NALF1: variants seen among roughly 807,000 people sequenced by gnomAD.
The protein encoded by NALF1 is family with sequence similarity 155 member A.
Under a neutral mutation model 48.4 loss-of-function variants are expected in NALF1, and 3 were observed. That is an observed-to-expected ratio of 0.06 (90% CI 0.03 to 0.16). NALF1 has a LOEUF of 0.16. Among genes scored for constraint, NALF1 ranks in the 10% least tolerant of loss-of-function variants. The pLI, the probability that NALF1 is intolerant of heterozygous loss-of-function variation, is 1.00. For synonymous variants in NALF1, 262 were observed against 245.7 expected (o/e 1.07, Z -0.62); for missense variants, 526 against 571.5 (o/e 0.92, Z 0.81).
At chr13:107,275,515 A>G (rs1000461542) in intron 1 of NALF1, among the ~76,000 whole-genome samples, 2 of 152,120 alleles carry the variant, frequency 1.3e-5, no homozygotes, top group South Asian at 2.1e-4. Context: ...TTATTGCGTA[A>G]CAAATTACTC....
chr13:107,212,521 G>C (rs934999714), intron 1 of NALF1, among the ~76,000 whole-genome samples: 1 of 152,222 alleles, frequency 6.6e-6, no homozygotes, highest in Admixed American at 6.5e-5. Flanking sequence ...GCTGCCTCAG[G>C]GGGACAGGTG....
chr13:107,468,575 T>C (rs1885046258), intron 1 of NALF1, among the ~76,000 whole-genome samples: 1 of 152,148 alleles, frequency 6.6e-6, no homozygotes, highest in African/African-American at 2.4e-5. Context: ...AGTAAGTAAA[T>C]CAATTTCTAT....
At chr13:107,408,472 G>A (rs1883936841) in intron 1 of NALF1, among the ~76,000 whole-genome samples, 1 of 151,568 alleles carries the variant, frequency 6.6e-6, no homozygotes. Flanking sequence ...CATGTGTTTT[G>A]CCATTAGAAG....
chr13:107,859,914 C>CAAAAAAAAAAAAAAAAAAAAA (rs778833499), intron 1 of NALF1, among the ~76,000 whole-genome samples: 2 of 66,494 alleles, frequency 3.0e-5, no homozygotes, highest in African/African-American at 6.1e-5. Context: ...AACTCCAACT[C>CAAAAAAAAAAAAAAAAAAAAA]AAAAAAAAAA....
Position 107,182,615 on chromosome 13 carries a change from T to C in NALF1, c.1088-11829A>G, listed in dbSNP as rs957970735. ...GTATATTTTTTCATAATTTGTGAAA[T>C]TCATGCTGTTATTAATTCTATTAGA... On this transcript the variant is annotated intron_variant, in intron 2 of 2. Transcript: ENST00000375915. Among the ~76,000 whole-genome samples the C allele has an allele frequency of 2.3e-4, 35 of 152,290 alleles. 1 individual carries two copies. Among genetic ancestry groups the C allele is most frequent in the African/African-American group, 6.5e-4 (27 of 41,556 alleles).
chr13:107,368,394 A>G (rs545144010), intron 1 of NALF1, among the ~76,000 whole-genome samples: 1 of 150,862 alleles, frequency 6.6e-6, no homozygotes, highest in Admixed American at 6.6e-5. Flanking sequence ...TCGGCTCACT[A>G]AAACCTCCTG....
intron 2 of NALF1, among the ~76,000 whole-genome samples, chr13:107,176,107 A>G (rs1007412083): frequency 5.9e-5 from 9 of 152,206 alleles, no homozygotes; most frequent in African/African-American, 1.7e-4. Flanking sequence ...AGAAATTATA[A>G]AAACATATTT....
intron 1 of NALF1, among the ~76,000 whole-genome samples, chr13:107,671,887 G>C (rs1256459422): frequency 2.0e-5 from 3 of 152,100 alleles, no homozygotes; most frequent in African/African-American, 7.2e-5. Context: ...CCTGTTGATA[G>C]CAAAGGTGTT....
intron 1 of NALF1, among the ~76,000 whole-genome samples, chr13:107,786,489 T>A (rs912534584): frequency 2.0e-5 from 3 of 147,430 alleles, no homozygotes; most frequent in Non-Finnish European, 4.4e-5. Flanking sequence ...TTTGGGAGTC[T>A]GAGGTGGGCG....
chr13:107,220,078 G>A (rs1342468453), intron 1 of NALF1, among the ~76,000 whole-genome samples: 1 of 152,052 alleles, frequency 6.6e-6, no homozygotes, highest in Non-Finnish European at 1.5e-5. Context: ...AATTATAATT[G>A]AAACAAGAAT....
intron 1 of NALF1, among the ~76,000 whole-genome samples, chr13:107,809,311 C>T (rs1443003728): frequency 1.3e-5 from 2 of 152,052 alleles, no homozygotes; most frequent in African/African-American, 4.8e-5. Flanking sequence ...ATCATCCCTC[C>T]TCTTGTGCAA....
At chr13:107,399,122 C>T (rs1002361494) in intron 1 of NALF1, among the ~76,000 whole-genome samples, 1 of 152,140 alleles carries the variant, frequency 6.6e-6, no homozygotes, top group African/African-American at 2.4e-5. Context: ...AAGCTGCAGA[C>T]TCGGGGAGAT....
chr13:107,347,473 A>T (rs1246602234), intron 1 of NALF1, among the ~76,000 whole-genome samples: 2 of 152,230 alleles, frequency 1.3e-5, no homozygotes, highest in African/African-American at 4.8e-5. Context: ...AAAGGTACGT[A>T]GAATAGTCCA....
chr13:107,469,715 G>T (rs142159378), intron 1 of NALF1, among the ~76,000 whole-genome samples: 3 of 146,628 alleles, frequency 2.0e-5, no homozygotes, highest in South Asian at 2.2e-4. Context: ...CCGTAAATGC[G>T]ATGAGTCAAC....
chr13:107,232,317 G>A (rs1048777540), intron 1 of NALF1, among the ~76,000 whole-genome samples: 3 of 152,194 alleles, frequency 2.0e-5, no homozygotes, highest in African/African-American at 7.2e-5. Flanking sequence ...ATCTGATAAA[G>A]GGGAGTCTGT....
intron 1 of NALF1, among the ~76,000 whole-genome samples, chr13:107,431,011 A>G (rs1449005161): frequency 6.6e-6 from 1 of 152,084 alleles, no homozygotes; most frequent in Non-Finnish European, 1.5e-5. Context: ...GTGAGATGGT[A>G]TCTCATTGTG....
intron 1 of NALF1, among the ~76,000 whole-genome samples, chr13:107,427,676 T>C (rs1383095084): frequency 6.6e-6 from 1 of 152,224 alleles, no homozygotes; most frequent in African/African-American, 2.4e-5. Flanking sequence ...GCTTGCATTG[T>C]GCTTTCTCTT....
At chr13:107,727,005 T>C (rs1364906631) in intron 1 of NALF1, among the ~76,000 whole-genome samples, 1 of 149,916 alleles carries the variant, frequency 6.7e-6, no homozygotes, top group Non-Finnish European at 1.5e-5. Flanking sequence ...AGAGACGGGG[T>C]TTCCCCATGT....
chr13:107,578,704 TGA>T (rs1333302714), intron 1 of NALF1, among the ~76,000 whole-genome samples: 1 of 152,198 alleles, frequency 6.6e-6, no homozygotes, highest in African/African-American at 2.4e-5. Flanking sequence ...CATATTAAAA[TGA>T]GTTATCTTTA....
Sources: allele counts gnomAD v4.1 joint callset (sites outside exome capture counted in the v4.1 genomes callset), GRCh38; gene constraint gnomAD v4.1.1; transcripts MANE v1.5; gene names NCBI Gene and HGNC (gene_info 2026-07-23, HGNC 2026-07-21).